The following RP1 variants were observed in gnomAD, a reference collection of about 807,000 sequenced individuals.
RP1 encodes the protein RP1 axonemal microtubule associated, also known as oxygen-regulated protein 1.
In RP1, 16 loss-of-function variants were observed where a neutral mutation model predicts 14.8. That is an observed-to-expected ratio of 1.08 (90% confidence interval 0.73 to 1.65). RP1 has a LOEUF of 1.65. Ranked by LOEUF, RP1 falls within the 40% of genes most tolerant of loss-of-function variation. The pLI, the probability that RP1 is intolerant of heterozygous loss-of-function variation, is 0.00. For missense variants in RP1, 2,631 were observed against 2,535.0 expected, an observed-to-expected ratio of 1.04 and a Z score of -0.81; for synonymous variants, 876 against 883.6, an observed-to-expected ratio of 0.99 and a Z score of 0.15.
At chr8:54,645,393 GT>G (rs1806525452) in intron 3 of RP1, among the ~76,000 whole-genome samples, 3 of 152,036 alleles carry the variant, frequency 2.0e-5, no homozygotes, top group South Asian at 4.1e-4. Flanking sequence ...TATTTTCACT[GT>G]TTTTAATTTT....
chr8:54,632,244 C>A (rs1484629273), downstream of RP1, among the ~76,000 whole-genome samples: 1 of 152,066 alleles, frequency 6.6e-6, no homozygotes, highest in Non-Finnish European at 1.5e-5. Context: ...TATAGATATA[C>A]CCAAGAAGAT....
At chr8:54,602,873 TTGA>T (rs1158170923) in intron 1 of RP1, among the ~76,000 whole-genome samples, 1 of 152,198 alleles carries the variant, frequency 6.6e-6, no homozygotes, top group Non-Finnish European at 1.5e-5. Flanking sequence ...TGCCCACTTG[TTGA>T]TGGGGTTGTT....
intron 22 of RP1, among the ~76,000 whole-genome samples, chr8:54,763,898 G>T (rs1482431687): frequency 6.6e-6 from 1 of 152,092 alleles, no homozygotes; most frequent in South Asian, 2.1e-4. Context: ...TTCTATTCAG[G>T]ATTCATGACT....
At chr8:54,648,458 G>T (rs536940013) in intron 3 of RP1, among the ~76,000 whole-genome samples, 3 of 151,916 alleles carry the variant, frequency 2.0e-5, no homozygotes, top group Non-Finnish European at 4.4e-5. Context: ...TTATTAATTG[G>T]GGATACTTAA....
At chr8:54,769,732 T>A in intron 22 of RP1, 1 of 1,507,866 alleles carries the variant, frequency 6.6e-7, no homozygotes, top group Non-Finnish European at 8.9e-7. Context: ...TCTCTCTCTT[T>A]TTCCTCAGAT....
At position 54,621,582 on chromosome 8, in the gene RP1, G is replaced by A. The variant is rs886210482; in HGVS notation, c.615+1G>A. On this transcript the variant is annotated splice_donor_variant, in intron 2 of 3. Transcript: ENST00000220676. LOFTEE classifies it high-confidence loss of function. ...GCTGTACGCTACGGACGGAAGGAGG[G>A]TGAGCGTTCTGGGGGCTCCTCGAGC... is the stretch of plus-strand genomic sequence containing the variant. 6.2e-7 allele frequency: 1 copy of A among 1,614,016 alleles called. No individual in the cohort carries two copies. Among genetic ancestry groups the A allele is most frequent in the African/African-American group, 1.3e-5 (1 of 74,940 alleles).
intron 6 of RP1, among the ~76,000 whole-genome samples, chr8:54,657,989 C>G: frequency 6.6e-6 from 1 of 152,290 alleles, no homozygotes; most frequent in Admixed American, 6.5e-5. Context: ...TAAGTGTATT[C>G]ACATTGTTAT....
chr8:54,759,543 C>T (rs112148512), intron 22 of RP1, among the ~76,000 whole-genome samples: 12 of 152,132 alleles, frequency 7.9e-5, no homozygotes, highest in African/African-American at 1.2e-4. Flanking sequence ...AGGGTCAGTC[C>T]TGAAAGCAGC....
chr8:54,758,280 C>T (rs1809557270), intron 21 of RP1, among the ~76,000 whole-genome samples: 1 of 152,136 alleles, frequency 6.6e-6, no homozygotes, highest in South Asian at 2.1e-4. Context: ...ATCAGTATAG[C>T]ACTGACTTTA....
chr8:54,568,065 A>G (rs768149608), intron 1 of RP1, among the ~76,000 whole-genome samples: 82 of 152,208 alleles, frequency 5.4e-4, no homozygotes, highest in African/African-American at 1.9e-3. Context: ...ATTGGCTACC[A>G]TTCCCATGGT....
chr8:54,825,945 G>A (rs1364920241), intron 24 of RP1, among the ~76,000 whole-genome samples: 2 of 152,056 alleles, frequency 1.3e-5, no homozygotes. Context: ...GCTTGCACCT[G>A]TAGTCCTCGT....
At chr8:54,581,461 A>G (rs1804790950) in intron 1 of RP1, among the ~76,000 whole-genome samples, 1 of 152,186 alleles carries the variant, frequency 6.6e-6, no homozygotes, top group African/African-American at 2.4e-5. Context: ...TGCCGCAATA[A>G]ACATACGTGT....
intron 18 of RP1, among the ~76,000 whole-genome samples, chr8:54,737,359 T>A (rs971605433): frequency 5.3e-5 from 8 of 152,312 alleles, no homozygotes; most frequent in Middle Eastern, 3.4e-3. Context: ...TCAAGTCACA[T>A]ATGCTTGGTA....
chr8:54,627,981 GA>G lies in RP1; in HGVS notation c.4100del (p.Asp1367AlafsTer6). 3 of 1,614,024 alleles carry G rather than the reference GA, an allele frequency of 1.9e-6. No homozygotes were observed. The highest frequency in any genetic ancestry group is 2.5e-6 in the Non-Finnish European group (3 of 1,179,926). ...DSTEELERGD[D>X]IQKDLNILTD... ...AACTGAAGAGTTAGAAAGAGGTGAT[GA>G]CATTCAGAAAGATCTAAATATTTTG... On this transcript the variant is annotated frameshift_variant, in exon 4 of 4. Coordinates refer to ENST00000220676, the MANE Select transcript of RP1 (RefSeq NM_006269.2). LOFTEE classifies it low-confidence loss of function (END_TRUNC).
At chr8:54,711,495 A>G (rs570448242) in intron 15 of RP1, among the ~76,000 whole-genome samples, 251 of 152,354 alleles carry the variant, frequency 1.6e-3, no homozygotes, top group African/African-American at 5.5e-3. Flanking sequence ...ATTCCCTGAT[A>G]CTATAACCAG....
chr8:54,845,344 A>C (rs1192252180), intron 25 of RP1, among the ~76,000 whole-genome samples: 1 of 152,200 alleles, frequency 6.6e-6, no homozygotes, highest in Non-Finnish European at 1.5e-5. Flanking sequence ...TACGGTGCAC[A>C]AGACTCATCA....
At chr8:54,603,803 A>G (rs1010909407) in intron 1 of RP1, among the ~76,000 whole-genome samples, 101 of 152,174 alleles carry the variant, frequency 6.6e-4, no homozygotes, top group African/African-American at 2.2e-3. Flanking sequence ...TGAAGCAATT[A>G]TGAATGGGAG....
intron 24 of RP1, among the ~76,000 whole-genome samples, chr8:54,797,883 T>G (rs1206746405): frequency 2.9e-5 from 3 of 103,952 alleles, no homozygotes; most frequent in Admixed American, 1.7e-4. Flanking sequence ...CTTTTTTTTT[T>G]TTTTTTTTTT....
Position 54,624,931 on chromosome 8 carries a change from C to A in RP1, c.1049C>A (p.Thr350Lys). Residue 350 changes from threonine (T) to lysine (K), a missense_variant, in exon 4 of 4, where the codon ACA becomes AAA. Physicochemically the swap from Thr to Lys is moderately conservative, Grantham distance 78. Transcript: ENST00000220676. ...RIKEEETIKW[T>K]TTVSKTGPSN... ...AAAGAGGAAGAAACCATAAAATGGA[C>A]AACTACTGTCAGTAAAACTGGTCCT... 1.2e-6 allele frequency: 2 copies of A among 1,614,070 alleles called. No homozygotes were observed. Among genetic ancestry groups the A allele is most frequent in the Non-Finnish European group, 1.7e-6 (2 of 1,180,012 alleles).
Sources: gnomAD v4.1 joint callset for allele counts (sites outside exome capture counted in the v4.1 genomes callset) on GRCh38, gnomAD v4.1.1 for gene constraint, MANE v1.5 for transcripts, NCBI Gene and HGNC (gene_info 2026-07-23, HGNC 2026-07-21) for gene names.